The following ADAMTS17 variants were observed in gnomAD, a reference collection of about 807,000 sequenced individuals.
The protein encoded by ADAMTS17 is A disintegrin and metalloproteinase with thrombospondin motifs 17.
In ADAMTS17, 113 loss-of-function variants were observed where a neutral mutation model predicts 141.5. That is an observed-to-expected ratio of 0.80 (90% confidence interval 0.69 to 0.93). The LOEUF is 0.93. Ranked by LOEUF, ADAMTS17 falls within the 40% of genes least tolerant of loss-of-function variation. The probability of loss-of-function intolerance (pLI) is 0.00; values close to 1 mark genes in which losing one functional copy is unlikely to be tolerated. For missense variants in ADAMTS17, 1,659 were observed against 1,517.9 expected, an observed-to-expected ratio of 1.09 and a Z score of -1.54; for synonymous variants, 768 against 630.6, an observed-to-expected ratio of 1.22 and a Z score of -3.27.
chr15:100,135,887 C>CA (rs1338204499), intron 10 of ADAMTS17, among the ~76,000 whole-genome samples: 1 of 152,156 alleles, frequency 6.6e-6, no homozygotes, highest in South Asian at 2.1e-4. Flanking sequence ...GATACCTTGA[C>CA]ACAGCAGCCA....
At chr15:100,089,168 G>A (rs1427011433) in intron 15 of ADAMTS17, among the ~76,000 whole-genome samples, 2 of 151,188 alleles carry the variant, frequency 1.3e-5, no homozygotes, top group Non-Finnish European at 2.9e-5. Context: ...ATCAAAAAGT[G>A]GGCAAAGGAT....
intron 8 of ADAMTS17, among the ~76,000 whole-genome samples, chr15:100,163,537 G>A (rs1205203148): frequency 2.6e-5 from 4 of 152,162 alleles, no homozygotes; most frequent in African/African-American, 9.7e-5. Context: ...CCAAGCTGGA[G>A]TGCAGTGGCA....
chr15:100,130,706 C>T (rs1475842696), intron 12 of ADAMTS17, among the ~76,000 whole-genome samples: 2 of 152,206 alleles, frequency 1.3e-5, no homozygotes, highest in African/African-American at 4.8e-5. Flanking sequence ...TATCCATCAA[C>T]AGGACTTAAT....
intron 15 of ADAMTS17, among the ~76,000 whole-genome samples, chr15:100,055,568 G>C (rs190720867): frequency 1.4e-4 from 21 of 152,286 alleles, no homozygotes; most frequent in Admixed American, 1.1e-3. Context: ...CTCGTATCCA[G>C]GGTGGCTATG....
intron 8 of ADAMTS17, among the ~76,000 whole-genome samples, chr15:100,170,200 C>T (rs2040108712): frequency 1.3e-5 from 2 of 152,126 alleles, no homozygotes; most frequent in Admixed American, 6.5e-5. Flanking sequence ...ATCCGTCCTC[C>T]CCTTTTAGTT....
At chr15:100,060,653 A>G (rs753344050) in intron 15 of ADAMTS17, among the ~76,000 whole-genome samples, 14 of 152,190 alleles carry the variant, frequency 9.2e-5, no homozygotes, top group Non-Finnish European at 1.2e-4. Flanking sequence ...CCCACAGTCA[A>G]CCTACTTCTA....
chr15:100,161,234 T>C (rs1197550977), intron 8 of ADAMTS17, among the ~76,000 whole-genome samples: 1 of 152,230 alleles, frequency 6.6e-6, no homozygotes, highest in East Asian at 1.9e-4. Flanking sequence ...ACTCGACCCC[T>C]CCTGGCTTCC....
intron 18 of ADAMTS17, among the ~76,000 whole-genome samples, chr15:100,032,017 C>T (rs114484790): frequency 4.6e-4 from 70 of 152,288 alleles, no homozygotes; most frequent in African/African-American, 1.3e-3. Flanking sequence ...TGTCTATACG[C>T]GGCACTTGGT....
At chr15:100,100,998 G>A (rs2036065153) in intron 14 of ADAMTS17, among the ~76,000 whole-genome samples, 2 of 152,026 alleles carry the variant, frequency 1.3e-5, no homozygotes, top group Non-Finnish European at 2.9e-5. Flanking sequence ...TGTTTCCTGG[G>A]ATCTACTTGA....
chr15:100,099,021 T>G (rs1199252773), intron 14 of ADAMTS17, among the ~76,000 whole-genome samples: 1 of 152,256 alleles, frequency 6.6e-6, no homozygotes, highest in African/African-American at 2.4e-5. Flanking sequence ...GCCTGGTTCC[T>G]TGTCCTGCAC....
In ADAMTS17 at chr15:99,972,518, G is replaced by C. The variant is rs2141247751; in HGVS notation, c.*1884C>G. ...TTTCAGTGAATTAACAGTTCATTTG[G>C]GGATGAAGAAAATTGAACCTCAGCG... On this transcript the variant is annotated 3_prime_UTR_variant, in exon 22 of 22. Transcript: ENST00000268070. 6.6e-6 allele frequency: 1 copy of C among 152,272 alleles called. No individual in the cohort carries two copies. Among genetic ancestry groups the C allele is most frequent in the Admixed American group, 6.5e-5 (1 of 15,294 alleles). The allele number at this position is 152,272 out of a possible 1,614,324, so 9.4% of individuals were successfully genotyped here.
chr15:100,075,006 T>C (rs2034268508), intron 15 of ADAMTS17, among the ~76,000 whole-genome samples: 2 of 152,176 alleles, frequency 1.3e-5, no homozygotes, highest in Non-Finnish European at 2.9e-5. Context: ...TTCTTCATCC[T>C]GTCCCCTACC....
Position 99,972,047 on chromosome 15 carries a change from C to G in ADAMTS17, c.*2355G>C, listed in dbSNP as rs564194386. 3.3e-5 allele frequency: 5 copies of G among 152,146 alleles called. No homozygotes were observed. The highest frequency in any genetic ancestry group is 7.2e-5 in the African/African-American group (3 of 41,396). The allele number at this position is 152,146 out of a possible 1,614,324, so 9.4% of individuals were successfully genotyped here. A position where few individuals can be genotyped will look rare whatever the true frequency, so the allele number is the denominator to read the frequency against. ...CGGGTGGATCATGAGGTCAGGAGAT[C>G]GAGACCATCCTGGCTAACATGGTGA... On this transcript the variant is annotated 3_prime_UTR_variant, in exon 22 of 22. Transcript: ENST00000268070.
chr15:100,218,659 C>T (rs1032109917), intron 7 of ADAMTS17, among the ~76,000 whole-genome samples: 1 of 152,186 alleles, frequency 6.6e-6, no homozygotes, highest in African/African-American at 2.4e-5. Context: ...ATAGGAAAAG[C>T]GTTTGGCAGT....
At chr15:100,147,756 C>G (rs2038977546) in intron 10 of ADAMTS17, among the ~76,000 whole-genome samples, 2 of 152,132 alleles carry the variant, frequency 1.3e-5, no homozygotes, top group African/African-American at 4.8e-5. Flanking sequence ...ATGTGAAAAA[C>G]CCTAAACTAA....
chr15:100,264,702 T>G (rs1331327136), intron 4 of ADAMTS17, among the ~76,000 whole-genome samples: 1 of 152,098 alleles, frequency 6.6e-6, no homozygotes, highest in Non-Finnish European at 1.5e-5. Context: ...CAGAGCCACA[T>G]GCACCCCATA....
chr15:100,043,762 T>C (rs1288237878), intron 18 of ADAMTS17, among the ~76,000 whole-genome samples: 1 of 152,274 alleles, frequency 6.6e-6, no homozygotes, highest in Non-Finnish European at 1.5e-5. Flanking sequence ...TGCTGACCCC[T>C]GTTCTACGGA....
chr15:100,203,585 G>A (rs2041421664), intron 7 of ADAMTS17, among the ~76,000 whole-genome samples: 1 of 152,158 alleles, frequency 6.6e-6, no homozygotes, highest in Non-Finnish European at 1.5e-5. Flanking sequence ...GGTGCCTGTA[G>A]TCCCAGCTAC....
chr15:100,327,547 T>C lies in ADAMTS17; in HGVS notation c.616+3342A>G, dbSNP rs75080451. Among the ~76,000 whole-genome samples the C allele has an allele frequency of 4.1e-3, 629 of 152,192 alleles. 8 individuals carry two copies. Among genetic ancestry groups the C allele is most frequent in the African/African-American group, 0.015 (606 of 41,508 alleles). On this transcript the variant is annotated intron_variant, in intron 3 of 21. Transcript: ENST00000268070. Reference sequence around the variant, plus strand: ...TACCACACACATGTGAAATACACCATGGGGGAGGAGAGGAAGATTCATAGT... The same window carrying C: ...TACCACACACATGTGAAATACACCACGGGGGAGGAGAGGAAGATTCATAGT...
Sources: gnomAD v4.1 joint callset for allele counts (sites outside exome capture counted in the v4.1 genomes callset) on GRCh38, gnomAD v4.1.1 for gene constraint, MANE v1.5 for transcripts, NCBI Gene and HGNC (gene_info 2026-07-23, HGNC 2026-07-21) for gene names.